Variants in CRHR2 observed in about 807,000 individuals in gnomAD.
The protein encoded by CRHR2 is corticotropin releasing hormone receptor 2, also known as corticotropin-releasing hormone receptor 2.
In CRHR2, 53 loss-of-function variants were observed where a neutral mutation model predicts 57.9. The observed-to-expected ratio is 0.92, with a 90% confidence interval of 0.73 to 1.15. The LOEUF (loss-of-function observed/expected upper bound fraction) is 1.15. Among genes scored for constraint, CRHR2 ranks in the 50% most tolerant of loss-of-function variants. The pLI is 0.00. For synonymous variants in CRHR2, 213 were observed against 220.9 expected (o/e 0.96, Z 0.32); for missense variants, 532 against 542.6 (o/e 0.98, Z 0.19).
At chr7:30,660,321 T>A (rs991903706) in intron 8 of CRHR2, among the ~76,000 whole-genome samples, 29 of 152,174 alleles carry the variant, frequency 1.9e-4, no homozygotes, top group Admixed American at 1.0e-3. Flanking sequence ...ACCCATCAGA[T>A]CCTTTCTCCT....
intron 1 of CRHR2, among the ~76,000 whole-genome samples, chr7:30,692,346 G>T (rs1300042201): frequency 1.3e-5 from 2 of 152,256 alleles, no homozygotes; most frequent in Non-Finnish European, 2.9e-5. Flanking sequence ...CAGTCAGTGT[G>T]GGACTCCGTT....
chr7:30,662,014 A>T lies in CRHR2; in HGVS notation c.758+142T>A, dbSNP rs41275994. 7,503 of 824,752 alleles carry T rather than the reference A, an allele frequency of 9.1e-3. 65 individuals carry two copies. Among genetic ancestry groups the T allele is most frequent in the Non-Finnish European group, 0.011 (5,865 of 521,870 alleles). 51.1% of individuals were successfully genotyped at this position (824,752 alleles called of 1,614,324 possible). ...CTCTGAGTGCAGGACTATTTTTTTC[A>T]ATTTAAGGACAACAGGAACGTGGAT... On this transcript the variant is annotated intron_variant, in intron 7 of 11. Coordinates refer to ENST00000471646, the MANE Select transcript of CRHR2 (RefSeq NM_001883.5).
chr7:30,661,303 C>T (rs914639411), intron 7 of CRHR2, among the ~76,000 whole-genome samples: 4 of 152,234 alleles, frequency 2.6e-5, no homozygotes, highest in African/African-American at 9.6e-5. Context: ...GAACTCATTC[C>T]TCTGAAATCT....
chr7:30,678,463 A>G (rs1313985910), intron 2 of CRHR2, among the ~76,000 whole-genome samples: 1 of 152,200 alleles, frequency 6.6e-6, no homozygotes, highest in Non-Finnish European at 1.5e-5. Context: ...TGGCTCTGCC[A>G]CTGACTAACA....
At chr7:30,690,288 A>G (rs1784935116) in intron 1 of CRHR2, among the ~76,000 whole-genome samples, 1 of 152,220 alleles carries the variant, frequency 6.6e-6, no homozygotes, top group South Asian at 2.1e-4. Context: ...TTCTAGTTAG[A>G]GAGCACAGCA....
chr7:30,675,831 C>T (rs528963696), intron 2 of CRHR2, among the ~76,000 whole-genome samples: 2 of 152,326 alleles, frequency 1.3e-5, no homozygotes, highest in African/African-American at 4.8e-5. Context: ...AGAACAGGAG[C>T]CCCTGGAAGG....
At chr7:30,689,488 A>T (rs1041856356) in intron 1 of CRHR2, among the ~76,000 whole-genome samples, 1 of 151,972 alleles carries the variant, frequency 6.6e-6, no homozygotes, top group African/African-American at 2.4e-5. Context: ...AAGTGGCCCA[A>T]TGCAGTGTTG....
chr7:30,686,622 A>C (rs1784862738), upstream of CRHR2: 1 of 959,562 alleles, frequency 1.0e-6, no homozygotes, highest in Non-Finnish European at 1.6e-6. Flanking sequence ...CAGCCTACAA[A>C]AAATAATAAA....
chr7:30,664,923 A>G, intron 5 of CRHR2, 147 bp downstream of exon 5: 1 of 658,334 alleles, frequency 1.5e-6, no homozygotes, highest in Non-Finnish European at 2.7e-6. Flanking sequence ...TGTAAGAGTA[A>G]AAGCTGCTCA....
intron 1 of CRHR2, among the ~76,000 whole-genome samples, chr7:30,699,375 G>A (rs1020646267): frequency 6.6e-6 from 1 of 152,132 alleles, no homozygotes; most frequent in Non-Finnish European, 1.5e-5. Flanking sequence ...TGTCCCCATC[G>A]CTCATCTGGT....
At chr7:30,657,887 C>T (rs1002644251) in intron 8 of CRHR2, among the ~76,000 whole-genome samples, 7 of 152,114 alleles carry the variant, frequency 4.6e-5, no homozygotes, top group African/African-American at 9.7e-5. Flanking sequence ...TATCCATCCA[C>T]GTACCCATCC....
intron 1 of CRHR2, among the ~76,000 whole-genome samples, chr7:30,697,517 G>A (rs255112): frequency 0.54 from 82,461 of 151,996 alleles, 23,759 homozygotes; most frequent in Non-Finnish European, 0.65. Context: ...CCAGCTTCCC[G>A]AAGGCCTCCA....
In CRHR2 at chr7:30,655,658, G is replaced by A; in HGVS notation, c.975C>T (p.Leu325=). 1 of 1,614,180 alleles carries A rather than the reference G, an allele frequency of 6.2e-7. No homozygotes were observed. The highest frequency in any genetic ancestry group is 8.5e-7 in the Non-Finnish European group (1 of 1,180,002). ...LLPLLGITYM[L]FFVNPGEDDL... ...CGTCCTCCCCGGGATTGACGAAGAA[G>A]AGCATGTAGGTGATGCCCAGGAGGG... Residue 325 remains leucine, a synonymous_variant, in exon 10 of 12, where the codon CTC becomes CTT. Coordinates refer to ENST00000471646, the MANE Select transcript of CRHR2 (RefSeq NM_001883.5).
At chr7:30,670,523 C>T (rs1055791135) in intron 2 of CRHR2, among the ~76,000 whole-genome samples, 3 of 152,186 alleles carry the variant, frequency 2.0e-5, no homozygotes, top group African/African-American at 7.2e-5. Context: ...AGGGGACTTC[C>T]CTCTCTGGCA....
At position 30,659,102 on chromosome 7, in the gene CRHR2, G is replaced by C. The variant is rs575779246; in HGVS notation, c.831+1471C>G. Reference sequence around the variant, plus strand: ...TTCTTTTAGGACTTGAGCATGCAAGGGTTGGAAATAATGTAGATAGAGCTT... The same window carrying C: ...TTCTTTTAGGACTTGAGCATGCAAGCGTTGGAAATAATGTAGATAGAGCTT... On this transcript the variant is annotated intron_variant, in intron 8 of 11. Transcript: ENST00000471646. 6.6e-5 allele frequency among the ~76,000 whole-genome samples: 10 copies of C among 152,348 alleles called. No individual in the cohort carries two copies. The South Asian group carries it at 8.3e-4, about 13-fold the overall frequency.
At chr7:30,688,855 A>G (rs1319629348) in intron 2 of CRHR2, 3 of 481,246 alleles carry the variant, frequency 6.2e-6, no homozygotes, top group Admixed American at 4.6e-5. Flanking sequence ...GAGAATGTTT[A>G]CCACCTTCTG....
intron 8 of CRHR2, among the ~76,000 whole-genome samples, chr7:30,657,083 T>TCACACACA (rs55909312): frequency 1.3e-3 from 193 of 145,592 alleles, no homozygotes; most frequent in African/African-American, 4.6e-3. Context: ...ACACACCCAC[T>TCACACACA]CACACACACA....
At chr7:30,666,925 A>C (rs1784204897) in intron 3 of CRHR2, among the ~76,000 whole-genome samples, 1 of 152,228 alleles carries the variant, frequency 6.6e-6, no homozygotes, top group Admixed American at 6.5e-5. Context: ...GTGCAGTCAC[A>C]CAACCCCTAA....
At chr7:30,670,890 AG>A (rs1225909987) in intron 2 of CRHR2, among the ~76,000 whole-genome samples, 1 of 152,176 alleles carries the variant, frequency 6.6e-6, no homozygotes, top group Non-Finnish European at 1.5e-5. Context: ...TGATGCAGGC[AG>A]GGTCTTCTCT....
Sources: gnomAD v4.1 joint callset for allele counts (sites outside exome capture counted in the v4.1 genomes callset) on GRCh38, gnomAD v4.1.1 for gene constraint, MANE v1.5 for transcripts, NCBI Gene and HGNC (gene_info 2026-07-23, HGNC 2026-07-21) for gene names.